The following ADAM10 variants were observed in gnomAD, a reference collection of about 807,000 sequenced individuals.
ADAM10 encodes the protein disintegrin and metalloproteinase domain-containing protein 10.
In ADAM10, 17 loss-of-function variants were observed where a neutral mutation model predicts 90.1. That is an observed-to-expected ratio of 0.19 (90% CI 0.13 to 0.28). The LOEUF (loss-of-function observed/expected upper bound fraction) is 0.28, where lower values mean the gene tolerates loss of function less well. Among genes scored for constraint, ADAM10 ranks in the 10% least tolerant of loss-of-function variants. ADAM10 has a pLI of 1.00. For missense variants in ADAM10, 610 were observed against 914.3 expected (o/e 0.67, Z 4.29); for synonymous variants, 310 against 298.6 (o/e 1.04, Z -0.40).
intron 14 of ADAM10, among the ~76,000 whole-genome samples, chr15:58,603,876 TAA>T (rs34718794): frequency 0.012 from 833 of 72,042 alleles, 9 homozygotes; most frequent in African/African-American, 0.039. Context: ...GGTCCAGGGT[TAA>T]AAAAAAAAAA....
chr15:58,597,469 T>G lies in ADAM10; in HGVS notation c.*78A>C. The stretch of plus-strand genomic sequence containing the variant: ...TACTTGTGAGGGTTTAGTTTGGAGA[T>G]GATGACTTAATAGGTTTCTCTTTGG... On this transcript the variant is annotated 3_prime_UTR_variant, in exon 16 of 16. Transcript: ENST00000260408. 6.2e-7 allele frequency: 1 copy of G among 1,609,274 alleles called. No individual in the cohort carries two copies. The highest frequency in any genetic ancestry group is 8.5e-7 in the Non-Finnish European group (1 of 1,177,508).
chr15:58,734,224 T>C (rs1187636281), intron 1 of ADAM10, among the ~76,000 whole-genome samples: 1 of 152,192 alleles, frequency 6.6e-6, no homozygotes, highest in Non-Finnish European at 1.5e-5. Flanking sequence ...GTCATGATAA[T>C]TAAAATGTAT....
chr15:58,691,322 G>C, intron 2 of ADAM10: 1 of 1,223,420 alleles, frequency 8.2e-7, no homozygotes, highest in Non-Finnish European at 1.2e-6. Context: ...CAAATTCCTT[G>C]AGCTGCTGCA....
rs931397533 is a variant in ADAM10 at position 58,595,127 on chromosome 15, T to C, written c.*2420A>G. The C allele has an allele frequency of 5.9e-5, 9 of 152,032 alleles. No individual in the cohort carries two copies. Among genetic ancestry groups the C allele is most frequent in the African/African-American group, 2.2e-4 (9 of 41,384 alleles). The allele number at this position is 152,032 out of a possible 1,614,324, so 9.4% of individuals were successfully genotyped here. A position where few individuals can be genotyped will look rare whatever the true frequency, so the allele number is the denominator to read the frequency against. On this transcript the variant is annotated 3_prime_UTR_variant, in exon 16 of 16. Coordinates refer to ENST00000260408, the MANE Select transcript of ADAM10 (RefSeq NM_001110.4). ...AACACATAAAAACAAGACCATAAGT[T>C]TTCAAAATGACTCACCTCTTCCACC... is the stretch of plus-strand genomic sequence containing the variant.
At chr15:58,748,166 A>G (rs1387060077) in intron 1 of ADAM10, 1 of 152,274 alleles carries the variant, frequency 6.6e-6, no homozygotes, top group Non-Finnish European at 1.5e-5. Flanking sequence ...TGTAACAAAA[A>G]AATGAACACT....
Position 58,591,893 on chromosome 15 carries a change from T to G in ADAM10, c.*5654A>C, listed in dbSNP as rs1307498845. On this transcript the variant is annotated 3_prime_UTR_variant, in exon 16 of 16. Transcript: ENST00000260408. Reference sequence around the variant, plus strand: ...CACATTTTTCCAATGGTCTCAACAGTTTGTTCAAATCAGTATCCAAATAAG... The same window carrying G: ...CACATTTTTCCAATGGTCTCAACAGGTTGTTCAAATCAGTATCCAAATAAG... The G allele has an allele frequency of 2.0e-5, 3 of 152,210 alleles. No homozygotes were observed. In the East Asian group the frequency reaches 5.8e-4, roughly 29 times the overall value. 9.4% of individuals were successfully genotyped at this position (152,210 alleles called of 1,614,324 possible).
intron 3 of ADAM10, 49 bp from the exon 4 acceptor site, chr15:58,679,331 G>A: frequency 6.5e-7 from 1 of 1,529,374 alleles, no homozygotes; most frequent in Non-Finnish European, 9.0e-7. Context: ...GCACATGAAT[G>A]TTAAATTCAT....
chr15:58,692,363 G>T (rs1393838878), intron 2 of ADAM10: 1 of 601,418 alleles, frequency 1.7e-6, no homozygotes, highest in South Asian at 1.4e-5. Context: ...GTCTGGTTTA[G>T]TTCTTCCCGA....
intron 1 of ADAM10, among the ~76,000 whole-genome samples, chr15:58,730,040 CA>C (rs1488056129): frequency 6.7e-6 from 1 of 150,256 alleles, no homozygotes; most frequent in Non-Finnish European, 1.5e-5. Flanking sequence ...TAGATTTTCA[CA>C]TTAGGAAATC....
intron 2 of ADAM10, among the ~76,000 whole-genome samples, chr15:58,695,721 G>A (rs1266452532): frequency 6.6e-6 from 1 of 152,134 alleles, no homozygotes; most frequent in Non-Finnish European, 1.5e-5. Flanking sequence ...CACGGTATTG[G>A]TGGTAATCCC....
chr15:58,628,795 C>G (rs985039544), intron 9 of ADAM10, among the ~76,000 whole-genome samples: 5 of 152,220 alleles, frequency 3.3e-5, no homozygotes, highest in African/African-American at 9.6e-5. Flanking sequence ...AACAACCCCA[C>G]TCTCAAGAAA....
At chr15:58,701,357 CAT>C (rs1268929821) in intron 2 of ADAM10, among the ~76,000 whole-genome samples, 1 of 152,036 alleles carries the variant, frequency 6.6e-6, no homozygotes, top group Non-Finnish European at 1.5e-5. Flanking sequence ...AAGAAAAAGA[CAT>C]AGAAATGGCC....
intron 3 of ADAM10, among the ~76,000 whole-genome samples, chr15:58,679,653 C>T (rs972392403): frequency 4.6e-5 from 7 of 152,102 alleles, no homozygotes; most frequent in Non-Finnish European, 1.0e-4. Context: ...ACCTATAATC[C>T]CAGCACTTTG....
intron 14 of ADAM10, among the ~76,000 whole-genome samples, chr15:58,605,869 G>A (rs779449892): frequency 6.6e-6 from 1 of 152,084 alleles, no homozygotes; most frequent in Non-Finnish European, 1.5e-5. Flanking sequence ...AATTTATTAT[G>A]TATTAATTAC....
chr15:58,741,059 C>T (rs1899596878), intron 1 of ADAM10, among the ~76,000 whole-genome samples: 1 of 151,994 alleles, frequency 6.6e-6, no homozygotes, highest in African/African-American at 2.4e-5. Context: ...AATTAATACC[C>T]CATCAAATCA....
intron 2 of ADAM10, chr15:58,691,110 T>C (rs761546194): frequency 1.5e-6 from 1 of 672,966 alleles, no homozygotes; most frequent in South Asian, 1.4e-5. Context: ...TATCTAGCTG[T>C]AGGTGCTGGT....
intron 1 of ADAM10, among the ~76,000 whole-genome samples, chr15:58,734,890 G>C (rs1899377151): frequency 6.6e-6 from 1 of 152,128 alleles, no homozygotes; most frequent in African/African-American, 2.4e-5. Context: ...TCCACAGCTA[G>C]TGATTGAAAT....
At position 58,595,121 on chromosome 15, in the gene ADAM10, A is replaced by C. The variant is rs372699552; in HGVS notation, c.*2426T>G. 1.3e-5 allele frequency: 2 copies of C among 152,180 alleles called. No individual in the cohort carries two copies. Among genetic ancestry groups the C allele is most frequent in the Admixed American group, 6.5e-5 (1 of 15,280 alleles). 9.4% of individuals were successfully genotyped at this position (152,180 alleles called of 1,614,324 possible). On this transcript the variant is annotated 3_prime_UTR_variant, in exon 16 of 16. Coordinates refer to ENST00000260408, the MANE Select transcript of ADAM10 (RefSeq NM_001110.4). Reference sequence around the variant, plus strand: ...TTGAAAAACACATAAAAACAAGACCATAAGTTTTCAAAATGACTCACCTCT... The same window carrying C: ...TTGAAAAACACATAAAAACAAGACCCTAAGTTTTCAAAATGACTCACCTCT...
intron 4 of ADAM10, among the ~76,000 whole-genome samples, chr15:58,667,375 C>T (rs1566987203): frequency 6.6e-6 from 1 of 152,176 alleles, no homozygotes; most frequent in South Asian, 2.1e-4. Context: ...TCTCTGTCAA[C>T]AGAACTAGGC....
Sources: gnomAD v4.1 joint callset for allele counts (sites outside exome capture counted in the v4.1 genomes callset) on GRCh38, gnomAD v4.1.1 for gene constraint, MANE v1.5 for transcripts, NCBI Gene and HGNC (gene_info 2026-07-23, HGNC 2026-07-21) for gene names.